DOCK3: variants seen among roughly 807,000 people sequenced by gnomAD.
DOCK3 encodes the protein dedicator of cytokinesis protein 3.
In DOCK3, 60 loss-of-function variants were observed where a neutral mutation model predicts 265.6. That is an observed-to-expected ratio of 0.23 (90% confidence interval 0.18 to 0.28). DOCK3 has a LOEUF of 0.28. DOCK3 is among the 10% of genes least tolerant of loss of function. The pLI is 1.00. For synonymous variants in DOCK3, 881 were observed against 938.0 expected (o/e 0.94, Z 1.11); for missense variants, 1,981 against 2,594.3 (o/e 0.76, Z 5.14).
chr3:50,884,749 T>G (rs919236341), intron 3 of DOCK3, among the ~76,000 whole-genome samples: 2 of 152,168 alleles, frequency 1.3e-5, no homozygotes, highest in African/African-American at 4.8e-5. Context: ...TTAGACTTTT[T>G]TTTTTAAAGA....
rs369931142 is a variant in DOCK3, at chr3:50,700,537, G to T, written c.37+25237G>T. 9.9e-5 allele frequency among the ~76,000 whole-genome samples: 15 copies of T among 152,088 alleles called. No individual in the cohort carries two copies. In the East Asian group the frequency reaches 1.2e-3, roughly 12 times the overall value. ...ATATGGGTGAGAACATGTAATATTTGTCTTCTGTTCCTGACTTAGTTCACT... is the reference window on the plus strand; with the variant it reads ...ATATGGGTGAGAACATGTAATATTTTTCTTCTGTTCCTGACTTAGTTCACT... On this transcript the variant is annotated intron_variant, in intron 1 of 52. Transcript: ENST00000266037.
At chr3:51,025,192 T>C (rs1285447067) in intron 5 of DOCK3, among the ~76,000 whole-genome samples, 2 of 152,076 alleles carry the variant, frequency 1.3e-5, no homozygotes, top group Non-Finnish European at 2.9e-5. Context: ...TACCACCAGG[T>C]TGGGTCAGGG....
chr3:51,164,851 C>A (rs1411356338), intron 12 of DOCK3, among the ~76,000 whole-genome samples: 1 of 151,692 alleles, frequency 6.6e-6, no homozygotes, highest in Non-Finnish European at 1.5e-5. Flanking sequence ...TAGGCCTATT[C>A]AGGCATTTTT....
At chr3:51,142,075 A>C (rs752192250) in intron 9 of DOCK3, among the ~76,000 whole-genome samples, 1 of 150,878 alleles carries the variant, frequency 6.6e-6, no homozygotes, top group Non-Finnish European at 1.5e-5. Context: ...ATCTACACCT[A>C]TTGTTTCCTT....
At chr3:51,272,258 GT>G (rs1295408946) in intron 24 of DOCK3, among the ~76,000 whole-genome samples, 1 of 147,718 alleles carries the variant, frequency 6.8e-6, no homozygotes, top group Non-Finnish European at 1.5e-5. Context: ...ATAATTTTTG[GT>G]GGTTAATTTT....
intron 35 of DOCK3, 87 bp downstream of exon 35, chr3:51,333,340 A>G: frequency 1.5e-6 from 2 of 1,309,064 alleles, no homozygotes; most frequent in Non-Finnish European, 1.1e-6. Context: ...AACTGAGACC[A>G]TGTGCTCTTC....
chr3:51,248,766 G>A (rs1435063260), intron 22 of DOCK3, among the ~76,000 whole-genome samples: 4 of 151,064 alleles, frequency 2.6e-5, no homozygotes, highest in African/African-American at 4.9e-5. Flanking sequence ...CTTCCCGGCC[G>A]CCATCACATC....
At position 51,227,333 on chromosome 3, in the gene DOCK3, C is replaced by G. The variant is rs753504394; in HGVS notation, c.1428C>G (p.Ser476=). The change falls in exon 16 of 53, where the codon TCC becomes TCG. Residue 476 remains serine, a synonymous_variant. Coordinates refer to ENST00000266037, the MANE Select transcript of DOCK3 (RefSeq NM_004947.5). ...AGCCAAATAGGAGTTCCTACCACTC[C>G]TTTGTCCTCTACCACAGTAATAGTC... The part of the protein sequence containing the change: ...SGEPNRSSYH[S]FVLYHSNSPR... The G allele has an allele frequency of 3.1e-6, 5 of 1,613,830 alleles. No homozygotes were observed. The highest frequency in any genetic ancestry group is 1.6e-4 in the Middle Eastern group (1 of 6,072).
chr3:51,332,893 C>A, intron 33 of DOCK3, 108 bp from the exon 34 acceptor site: 1 of 1,468,112 alleles, frequency 6.8e-7, no homozygotes, highest in Non-Finnish European at 9.4e-7. Context: ...CCTCCCCCCA[C>A]CTCAGTGGCA....
At chr3:51,193,938 C>T (rs1399757644) in intron 12 of DOCK3, among the ~76,000 whole-genome samples, 1 of 149,908 alleles carries the variant, frequency 6.7e-6, no homozygotes, top group African/African-American at 2.4e-5. Context: ...CTCTTTTCTT[C>T]TGCTAGTTTT....
chr3:50,892,869 A>C (rs2048705374), intron 4 of DOCK3, among the ~76,000 whole-genome samples: 1 of 152,020 alleles, frequency 6.6e-6, no homozygotes, highest in Non-Finnish European at 1.5e-5. Flanking sequence ...GGGTTGGGAG[A>C]AGATGCATAT....
In DOCK3 at chr3:51,063,378, AT is replaced by A. The variant is rs1291364086; in HGVS notation, c.316-1068del. 1.5e-4 allele frequency among the ~76,000 whole-genome samples: 23 copies of A among 152,312 alleles called. No homozygotes were observed. The South Asian group carries it at 2.5e-3, about 16-fold the overall frequency. ...CTGTCTCTTAATAGAAAAAAGTCAC[AT>A]TAGATGATTTCTAAGTAGTATGATA... On this transcript the variant is annotated intron_variant, in intron 5 of 52. Coordinates refer to ENST00000266037, the MANE Select transcript of DOCK3 (RefSeq NM_004947.5).
chr3:50,734,916 A>T (rs1403363198), intron 1 of DOCK3, among the ~76,000 whole-genome samples: 1 of 152,052 alleles, frequency 6.6e-6, no homozygotes, highest in Non-Finnish European at 1.5e-5. Context: ...AGTGAGTTTT[A>T]TACTTAATAT....
At chr3:50,938,574 C>T (rs911147825) in intron 5 of DOCK3, among the ~76,000 whole-genome samples, 1 of 151,460 alleles carries the variant, frequency 6.6e-6, no homozygotes, top group Non-Finnish European at 1.5e-5. Flanking sequence ...GATATTCTAA[C>T]CATAATGGAA....
At chr3:51,348,033 T>C (rs2085714401) in intron 38 of DOCK3, among the ~76,000 whole-genome samples, 1 of 152,192 alleles carries the variant, frequency 6.6e-6, no homozygotes, top group African/African-American at 2.4e-5. Flanking sequence ...CTTAAGGAGA[T>C]TTTGGGCTGA....
At chr3:51,162,815 T>C (rs1576288563) in intron 12 of DOCK3, among the ~76,000 whole-genome samples, 1 of 152,202 alleles carries the variant, frequency 6.6e-6, no homozygotes, top group East Asian at 1.9e-4. Flanking sequence ...TTCCTTCTTA[T>C]GGATGGTCTG....
chr3:51,142,650 A>G (rs1465669265), intron 9 of DOCK3, among the ~76,000 whole-genome samples: 1 of 152,078 alleles, frequency 6.6e-6, no homozygotes, highest in Non-Finnish European at 1.5e-5. Flanking sequence ...GGGTTCTTAC[A>G]TGTTTTGGCC....
chr3:51,069,697 AC>A (rs1297344239), intron 6 of DOCK3, among the ~76,000 whole-genome samples: 2 of 151,786 alleles, frequency 1.3e-5, no homozygotes, highest in Non-Finnish European at 2.9e-5. Context: ...ACATATTCTA[AC>A]CCATCTATAT....
intron 1 of DOCK3, among the ~76,000 whole-genome samples, chr3:50,687,262 C>T (rs766569770): frequency 9.2e-5 from 14 of 152,148 alleles, no homozygotes; most frequent in Admixed American, 5.2e-4. Context: ...CCAGTGTTGA[C>T]TCATCGCCCT....
Sources: gnomAD v4.1 joint callset for allele counts (sites outside exome capture counted in the v4.1 genomes callset) on GRCh38, gnomAD v4.1.1 for gene constraint, MANE v1.5 for transcripts, NCBI Gene and HGNC (gene_info 2026-07-23, HGNC 2026-07-21) for gene names.